The following USP1 variants were observed in gnomAD, a reference collection of about 807,000 sequenced individuals.
The protein encoded by USP1 is ubiquitin specific peptidase 1.
USP1 carries 18 observed loss-of-function variants against 72.2 expected under a neutral mutation model. The observed-to-expected ratio is 0.25, with a 90% confidence interval of 0.17 to 0.37. The LOEUF is 0.37. USP1 is among the 10% of genes least tolerant of loss of function. The pLI, the probability that USP1 is intolerant of heterozygous loss-of-function variation, is 1.00. For missense variants in USP1, 759 were observed against 884.9 expected, an observed-to-expected ratio of 0.86 and a Z score of 1.81; for synonymous variants, 354 against 303.7, an observed-to-expected ratio of 1.17 and a Z score of -1.72.
intron 6 of USP1, among the ~76,000 whole-genome samples, chr1:62,446,164 T>A (rs1645171981): frequency 6.6e-6 from 1 of 152,128 alleles, no homozygotes; most frequent in Non-Finnish European, 1.5e-5. Context: ...TTCTGAGAAA[T>A]GTGCTGTTTC....
upstream of USP1, chr1:62,436,586 G>A (rs1645088705): frequency 1.3e-5 from 2 of 152,642 alleles, no homozygotes; most frequent in Admixed American, 6.5e-5. Flanking sequence ...GCTTCCCCCG[G>A]GCGGTGGGAG....
At chr1:62,441,923 CATT>C (rs1645136945) in intron 3 of USP1, among the ~76,000 whole-genome samples, 5 of 152,074 alleles carry the variant, frequency 3.3e-5, no homozygotes, top group African/African-American at 9.7e-5. Flanking sequence ...GTAACGTTGG[CATT>C]GTGTTGTGTG....
intron 6 of USP1, among the ~76,000 whole-genome samples, chr1:62,445,737 G>C (rs990218317): frequency 6.6e-6 from 1 of 152,122 alleles, no homozygotes; most frequent in Non-Finnish European, 1.5e-5. Flanking sequence ...CCAGTACTTT[G>C]GGAGGCCTAG....
intron 4 of USP1, 134 bp downstream of exon 4, chr1:62,442,433 C>T (rs1645140486): frequency 1.6e-6 from 1 of 626,000 alleles, no homozygotes; most frequent in Non-Finnish European, 2.7e-6. Context: ...TATTGTCAGG[C>T]AATTATTTTT....
intron 8 of USP1, among the ~76,000 whole-genome samples, chr1:62,449,107 C>T (rs1299516681): frequency 6.6e-6 from 1 of 152,150 alleles, no homozygotes; most frequent in African/African-American, 2.4e-5. Flanking sequence ...TGATCTTGAA[C>T]TTCTGGACTC....
At chr1:62,436,807 G>T, upstream of USP1, 1 of 265,626 alleles carries the variant, frequency 3.8e-6, no homozygotes, top group Non-Finnish European at 7.0e-6. Flanking sequence ...GGACCCGCAC[G>T]AGCTGCCCGG....
At chr1:62,446,380 A>G (rs1645174394) in intron 6 of USP1, among the ~76,000 whole-genome samples, 1 of 152,218 alleles carries the variant, frequency 6.6e-6, no homozygotes, top group African/African-American at 2.4e-5. Flanking sequence ...ATAATGTTTT[A>G]AGAAAGTTTA....
chr1:62,438,477 A>G (rs546793205), intron 1 of USP1, among the ~76,000 whole-genome samples: 1 of 152,324 alleles, frequency 6.6e-6, no homozygotes, highest in East Asian at 1.9e-4. Context: ...TGAGTTCAGT[A>G]TGAATTCCTA....
At position 62,442,300 on chromosome 1, in the gene USP1, G is replaced by A; in HGVS notation, c.396+1G>A. 6.4e-7 allele frequency: 1 copy of A among 1,565,300 alleles called. No individual in the cohort carries two copies. Among genetic ancestry groups the A allele is most frequent in the Non-Finnish European group, 8.7e-7 (1 of 1,153,514 alleles). On this transcript the variant is annotated splice_donor_variant, in intron 4 of 8. Transcript: ENST00000339950. LOFTEE classifies it high-confidence loss of function. ...GGATGAAGCCAATCAAAAAGACAAG[G>A]TAAGAAAAATAAAGAACAGAAAATA...
chr1:62,447,499 G>A lies in USP1; in HGVS notation c.1408G>A (p.Glu470Lys). 6.2e-7 allele frequency: 1 copy of A among 1,612,566 alleles called. No individual in the cohort carries two copies. The highest frequency in any genetic ancestry group is 8.5e-7 in the Non-Finnish European group (1 of 1,179,612). The change falls in exon 7 of 9, where the codon GAG becomes AAG. Residue 470 changes from glutamate (E) to lysine (K), a missense_variant. This residue lies in a region of USP1 where 140 missense variants were observed against 222.8 expected (regional missense o/e 0.63). Transcript: ENST00000339950. ...AGAAGATGAGCTTTCCAAAGTAGAG[G>A]AGAGTTCTGAAAGTAAGCAAAATTG... ...VQEDELSKVEESSEISPEPKT... is the reference protein window; with the variant it reads ...VQEDELSKVEKSSEISPEPKT...
In USP1 at chr1:62,451,737, T is replaced by C. The variant is rs1645223791; in HGVS notation, c.*756T>C. 2 of 152,626 alleles carry C rather than the reference T, an allele frequency of 1.3e-5. No homozygotes were observed. The highest frequency in any genetic ancestry group is 6.5e-5 in the Admixed American group (1 of 15,284). 9.5% of individuals were successfully genotyped at this position (152,626 alleles called of 1,614,324 possible). A position where few individuals can be genotyped will look rare whatever the true frequency, so the allele number is the denominator to read the frequency against. Reference sequence around the variant, plus strand: ...CAATAAAATTTAAACTGCTTAACTATGTATATGAATATTTGAATTTTTTAC... The same window carrying C: ...CAATAAAATTTAAACTGCTTAACTACGTATATGAATATTTGAATTTTTTAC... On this transcript the variant is annotated 3_prime_UTR_variant, in exon 9 of 9. Coordinates refer to ENST00000339950, the MANE Select transcript of USP1 (RefSeq NM_003368.5).
chr1:62,438,029 G>T (rs953655276), intron 1 of USP1, among the ~76,000 whole-genome samples: 1 of 151,992 alleles, frequency 6.6e-6, no homozygotes, highest in African/African-American at 2.4e-5. Context: ...AAATATTTTG[G>T]ATGTAACAGC....
chr1:62,450,816 C>T lies in USP1; in HGVS notation c.2193C>T (p.Asn731=). Residue 731 remains asparagine (N), a synonymous_variant, in exon 9 of 9, where the codon AAC becomes AAT. Transcript: ENST00000339950. ...GCATTAATATTAGTGGATTTGAGAACAAAATTTCATACGTAGTGCAAAGCT... is the reference window on the plus strand; with the variant it reads ...GCATTAATATTAGTGGATTTGAGAATAAAATTTCATACGTAGTGCAAAGCT... ...QTGINISGFE[N]KISYVVQSLK... 1.2e-6 allele frequency: 2 copies of T among 1,613,920 alleles called. No homozygotes were observed. The highest frequency in any genetic ancestry group is 1.7e-5 in the Admixed American group (1 of 60,002).
Position 62,441,576 on chromosome 1 carries a change from G to A in USP1, c.259G>A (p.Gly87Ser). The A allele has an allele frequency of 6.2e-7, 1 of 1,613,168 alleles. No homozygotes were observed. Among genetic ancestry groups the A allele is most frequent in the Non-Finnish European group, 8.5e-7 (1 of 1,179,670 alleles). Residue 87 changes from glycine to serine, a missense_variant, in exon 3 of 9, where the codon GGC (glycine) becomes AGC (serine). Transcript: ENST00000339950. The stretch of plus-strand genomic sequence containing the variant: ...ACCATTTGTGGGACTGAATAATCTC[G>A]GCAATACTTGCTATCTTAATAGTAT... ...LLPFVGLNNL[G>S]NTCYLNSILQ...
intron 1 of USP1, among the ~76,000 whole-genome samples, chr1:62,438,141 G>A (rs1645104994): frequency 6.6e-6 from 1 of 152,098 alleles, no homozygotes; most frequent in Admixed American, 6.5e-5. Flanking sequence ...GAGGGGCTAG[G>A]AGGTTTGGTT....
In USP1 at chr1:62,437,875, C is replaced by T. The variant is rs550679712; in HGVS notation, c.-70+475C>T. Among the ~76,000 whole-genome samples, 35 of 152,290 alleles carry T rather than the reference C, an allele frequency of 2.3e-4. No individual in the cohort carries two copies. In the South Asian group the frequency reaches 6.8e-3, roughly 30 times the overall value. Reference sequence around the variant, plus strand: ...GTGTCTTAAACCTTGGCGAAGATGTCCTTGTAGATTTTTGTTGAAAAATCG... The same window carrying T: ...GTGTCTTAAACCTTGGCGAAGATGTTCTTGTAGATTTTTGTTGAAAAATCG... On this transcript the variant is annotated intron_variant, in intron 1 of 8. Coordinates refer to ENST00000339950, the MANE Select transcript of USP1 (RefSeq NM_003368.5).
At position 62,451,303 on chromosome 1, in the gene USP1, C is replaced by T. The variant is rs561550197; in HGVS notation, c.*322C>T. 36 of 186,460 alleles carry T rather than the reference C, an allele frequency of 1.9e-4. No individual in the cohort carries two copies. Among genetic ancestry groups the T allele is most frequent in the Middle Eastern group, 2.3e-3 (1 of 432 alleles). 11.6% of individuals were successfully genotyped at this position (186,460 alleles called of 1,614,324 possible). ...TGTTTGCTTTTTAAAATAAAGTGCTCGTATTTGTATTCTCCATATTTTGGA... is the reference window on the plus strand; with the variant it reads ...TGTTTGCTTTTTAAAATAAAGTGCTTGTATTTGTATTCTCCATATTTTGGA... On this transcript the variant is annotated 3_prime_UTR_variant, in exon 9 of 9. Coordinates refer to ENST00000339950, the MANE Select transcript of USP1 (RefSeq NM_003368.5).
Position 62,448,448 on chromosome 1 carries a change from A to G in USP1, c.1421-17A>G. ...TGCCTGAGAGAAGTATTTGAGTGAA[A>G]GGATTCTCTTTTTTAGTTTCTCCAG... On this transcript the variant is annotated splice_polypyrimidine_tract_variant and intron_variant, in intron 7 of 8. Transcript: ENST00000339950. 1 of 1,610,080 alleles carries G rather than the reference A, an allele frequency of 6.2e-7. No homozygotes were observed. The highest frequency in any genetic ancestry group is 8.5e-7 in the Non-Finnish European group (1 of 1,177,894).
intron 6 of USP1, among the ~76,000 whole-genome samples, chr1:62,446,448 A>G (rs561878752): frequency 6.5e-4 from 99 of 152,352 alleles, no homozygotes; most frequent in Non-Finnish European, 1.1e-3. Flanking sequence ...TAGGCAACAA[A>G]CCTGTATAGC....
Sources: gnomAD v4.1 joint callset for allele counts (sites outside exome capture counted in the v4.1 genomes callset) on GRCh38, gnomAD v4.1.1 for gene constraint, gnomAD v4.1.1 regional missense constraint, MANE v1.5 for transcripts, NCBI Gene and HGNC (gene_info 2026-07-23, HGNC 2026-07-21) for gene names.